Variants in RABGAP1L observed in about 807,000 individuals in gnomAD.
The protein encoded by RABGAP1L is rab GTPase-activating protein 1-like.
In RABGAP1L, 63 loss-of-function variants were observed where a neutral mutation model predicts 137.7. That is an observed-to-expected ratio of 0.46 (90% confidence interval 0.37 to 0.56). RABGAP1L has a LOEUF of 0.56. Among genes scored for constraint, RABGAP1L ranks in the 20% least tolerant of loss-of-function variants. The probability of loss-of-function intolerance (pLI) is 0.00; values close to 1 mark genes in which losing one functional copy is unlikely to be tolerated. For missense variants in RABGAP1L, 1,095 were observed against 1,244.0 expected (o/e 0.88, Z 1.80); for synonymous variants, 431 against 433.7 (o/e 0.99, Z 0.08).
intron 11 of RABGAP1L, among the ~76,000 whole-genome samples, chr1:174,335,786 A>C (rs962443536): frequency 5.3e-5 from 8 of 152,240 alleles, no homozygotes; most frequent in Admixed American, 4.6e-4. Flanking sequence ...GTTCTGGGTT[A>C]GTGTGCCCTG....
At chr1:174,755,949 A>G (rs1684716678) in intron 18 of RABGAP1L, among the ~76,000 whole-genome samples, 2 of 152,198 alleles carry the variant, frequency 1.3e-5, no homozygotes, top group Admixed American at 6.5e-5. Context: ...ATTCAAAACA[A>G]TTTATCCAAT....
At chr1:174,657,666 T>C in intron 14 of RABGAP1L, among the ~76,000 whole-genome samples, 1 of 152,204 alleles carries the variant, frequency 6.6e-6, no homozygotes, top group East Asian at 1.9e-4. Flanking sequence ...GGTTGATTTC[T>C]TATCTTGGCT....
rs1400853731 is a variant in RABGAP1L, at chr1:174,455,143, C to T, written c.1710+60998C>T. Among the ~76,000 whole-genome samples, 3 of 152,134 alleles carry T rather than the reference C, an allele frequency of 2.0e-5. No homozygotes were observed. In the East Asian group the frequency reaches 5.8e-4, roughly 29 times the overall value. On this transcript the variant is annotated intron_variant, in intron 13 of 25. Transcript: ENST00000681986. ...CATGAAAGGCACATATCACCACCTT[C>T]ATTATAGTAAATGGAGCCAAATTAG...
At chr1:174,440,181 A>T (rs371333388) in intron 13 of RABGAP1L, among the ~76,000 whole-genome samples, 1 of 152,222 alleles carries the variant, frequency 6.6e-6, no homozygotes, top group Non-Finnish European at 1.5e-5. Flanking sequence ...CCTAAACAAC[A>T]TAGAAGAGAA....
intron 19 of RABGAP1L, 87 bp downstream of exon 19, chr1:174,812,047 C>A: frequency 8.1e-7 from 1 of 1,237,068 alleles, no homozygotes; most frequent in Non-Finnish European, 1.1e-6. Flanking sequence ...TTATATGTTG[C>A]AAGGTTTGAT....
At position 174,990,281 on chromosome 1, in the gene RABGAP1L, A is replaced by AC; in HGVS notation, c.*280_*281insC. The stretch of plus-strand genomic sequence containing the variant: ...TTTGCCTGATGTTTAGTTGGAAATA[A>AC]GTAATTCAGAACTAAATGCTTTTTT... On this transcript the variant is annotated 3_prime_UTR_variant, in exon 26 of 26. Coordinates refer to ENST00000681986, the MANE Select transcript of RABGAP1L (RefSeq NM_001366446.1). 1 of 288,648 alleles carries AC rather than the reference A, an allele frequency of 3.5e-6. No individual in the cohort carries two copies. The highest frequency in any genetic ancestry group is 6.3e-6 in the Non-Finnish European group (1 of 158,018). 17.9% of individuals were successfully genotyped at this position (288,648 alleles called of 1,614,324 possible).
chr1:174,159,752 C>A (rs1457724511), intron 1 of RABGAP1L, 95 bp downstream of exon 1: 2 of 152,670 alleles, frequency 1.3e-5, no homozygotes, highest in Non-Finnish European at 2.9e-5. Flanking sequence ...TCGGGCTGAG[C>A]CTGGGGAGGG....
At chr1:174,259,341 C>T in intron 7 of RABGAP1L, among the ~76,000 whole-genome samples, 1 of 152,102 alleles carries the variant, frequency 6.6e-6, no homozygotes, top group East Asian at 1.9e-4. Flanking sequence ...AGGCACTGTT[C>T]TAGGTGGTAT....
chr1:174,580,178 A>G lies in RABGAP1L; in HGVS notation c.1711-57197A>G, dbSNP rs530728281. On this transcript the variant is annotated intron_variant, in intron 13 of 25. Coordinates refer to ENST00000681986, the MANE Select transcript of RABGAP1L (RefSeq NM_001366446.1). ...AAGACTTGTTGTATTAAACGACATC[A>G]TCAGGAAAATGAAAAGGCAATCTAG... Among the ~76,000 whole-genome samples the G allele has an allele frequency of 2.0e-5, 3 of 152,370 alleles. No homozygotes were observed. The East Asian group carries it at 5.8e-4, about 29-fold the overall frequency.
intron 13 of RABGAP1L, among the ~76,000 whole-genome samples, chr1:174,621,703 C>T (rs1557914357): frequency 6.6e-6 from 1 of 152,080 alleles, no homozygotes; most frequent in South Asian, 2.1e-4. Flanking sequence ...AAAATTAATT[C>T]AAGATGGATT....
chr1:174,619,789 A>T (rs909760214), intron 13 of RABGAP1L, among the ~76,000 whole-genome samples: 1 of 152,204 alleles, frequency 6.6e-6, no homozygotes, highest in Non-Finnish European at 1.5e-5. Context: ...ACAGATAACA[A>T]TATTAACTTT....
intron 1 of RABGAP1L, among the ~76,000 whole-genome samples, chr1:174,211,644 G>A (rs988041980): frequency 1.8e-4 from 27 of 152,184 alleles, no homozygotes; most frequent in East Asian, 3.9e-4. Context: ...AACAGTGAAT[G>A]TAAATGGATT....
intron 11 of RABGAP1L, among the ~76,000 whole-genome samples, chr1:174,362,405 A>G (rs1684227240): frequency 6.6e-6 from 1 of 152,226 alleles, no homozygotes; most frequent in South Asian, 2.1e-4. Context: ...CCAACAGTGT[A>G]TAAGCATTTC....
chr1:174,218,158 C>T (rs1669481790), intron 1 of RABGAP1L, among the ~76,000 whole-genome samples: 1 of 152,118 alleles, frequency 6.6e-6, no homozygotes, highest in Admixed American at 6.6e-5. Context: ...ATTTTCCTCT[C>T]AGAGAGCTTT....
chr1:174,752,233 T>TA, intron 17 of RABGAP1L, 80 bp from the exon 18 acceptor site: 1 of 1,002,216 alleles, frequency 1.0e-6, no homozygotes, highest in Non-Finnish European at 1.5e-6. Flanking sequence ...TTTTATTAAA[T>TA]ATATGTGGAA....
chr1:174,506,184 T>C (rs1208991443), intron 13 of RABGAP1L, among the ~76,000 whole-genome samples: 2 of 152,164 alleles, frequency 1.3e-5, no homozygotes, highest in East Asian at 3.8e-4. Flanking sequence ...ATTTCACTTT[T>C]ATAGGAGGAA....
chr1:174,774,578 G>T (rs1002345465), intron 18 of RABGAP1L, among the ~76,000 whole-genome samples: 3 of 151,516 alleles, frequency 2.0e-5, no homozygotes, highest in African/African-American at 7.3e-5. Flanking sequence ...TAGAAAGAGA[G>T]TGCATAAAAG....
intron 17 of RABGAP1L, among the ~76,000 whole-genome samples, chr1:174,731,211 A>T (rs1210860791): frequency 6.6e-6 from 1 of 152,130 alleles, no homozygotes; most frequent in Non-Finnish European, 1.5e-5. Context: ...ACCTCAAGAG[A>T]TCTACCCGCC....
At chr1:174,210,108 T>C (rs1244729208) in intron 1 of RABGAP1L, among the ~76,000 whole-genome samples, 1 of 152,054 alleles carries the variant, frequency 6.6e-6, no homozygotes, top group Non-Finnish European at 1.5e-5. Context: ...TTTTGAATGC[T>C]AGGAAAGCCT....
Sources: gnomAD v4.1 joint callset for allele counts (sites outside exome capture counted in the v4.1 genomes callset) on GRCh38, gnomAD v4.1.1 for gene constraint, MANE v1.5 for transcripts, NCBI Gene and HGNC (gene_info 2026-07-23, HGNC 2026-07-21) for gene names.